The following TXNDC15 variants were observed in gnomAD, a reference collection of about 807,000 sequenced individuals.
TXNDC15 encodes the protein thioredoxin domain containing 15.
TXNDC15 carries 24 observed loss-of-function variants against 35.0 expected under a neutral mutation model. The ratio of observed to expected loss-of-function variants is 0.68; its 90% confidence interval spans 0.50 to 0.96. The LOEUF (loss-of-function observed/expected upper bound fraction) is 0.96. Among genes scored for constraint, TXNDC15 ranks in the 40% least tolerant of loss-of-function variants. The pLI is 0.00. For synonymous variants in TXNDC15, 169 were observed against 174.0 expected, an observed-to-expected ratio of 0.97 and a Z score of 0.23; for missense variants, 385 against 453.3, an observed-to-expected ratio of 0.85 and a Z score of 1.37.
intron 1 of TXNDC15, among the ~76,000 whole-genome samples, chr5:134,882,025 C>T (rs1454068687): frequency 1.8e-4 from 27 of 150,040 alleles, no homozygotes; most frequent in Non-Finnish European, 3.7e-4. Flanking sequence ...GGCTGCCGGG[C>T]GGAGGGGCTC....
chr5:134,884,303 C>T (rs1300527329), intron 1 of TXNDC15, among the ~76,000 whole-genome samples: 1 of 150,072 alleles, frequency 6.7e-6, no homozygotes, highest in Non-Finnish European at 1.5e-5. Flanking sequence ...GGCTGGAGTG[C>T]AATGGCACTA....
At chr5:134,880,567 G>A (rs1007387268) in intron 1 of TXNDC15, among the ~76,000 whole-genome samples, 2 of 151,872 alleles carry the variant, frequency 1.3e-5, no homozygotes, top group African/African-American at 4.8e-5. Flanking sequence ...CTCCCGAGCA[G>A]CTGGGATTAC....
chr5:134,880,694 C>T (rs540861958), intron 1 of TXNDC15, among the ~76,000 whole-genome samples: 10 of 152,112 alleles, frequency 6.6e-5, no homozygotes, highest in East Asian at 1.9e-4. Flanking sequence ...CCACCTGCCT[C>T]GGTCTCCCTA....
At chr5:134,891,967 G>A (rs772700539) in intron 2 of TXNDC15, among the ~76,000 whole-genome samples, 2 of 151,944 alleles carry the variant, frequency 1.3e-5, no homozygotes, top group Admixed American at 6.6e-5. Flanking sequence ...AAATAAGACC[G>A]CAGCTACACT....
At chr5:134,874,564 T>A in intron 1 of TXNDC15, 34 bp downstream of exon 1, 3 of 1,538,720 alleles carry the variant, frequency 1.9e-6, no homozygotes, top group African/African-American at 1.4e-5. Context: ...CATGAGATGA[T>A]GGGGCGAGCT....
intron 2 of TXNDC15, among the ~76,000 whole-genome samples, chr5:134,889,498 A>G (rs980757457): frequency 2.3e-4 from 35 of 152,260 alleles, no homozygotes; most frequent in Non-Finnish European, 7.3e-5. Flanking sequence ...TGTTGGGATT[A>G]CAGATGTAAG....
rs10670765 is a variant in TXNDC15, at chr5:134,900,219, C to CTACTT, written c.*536_*537insCTTTA. 10,279 of 152,268 alleles carry CTACTT rather than the reference C, an allele frequency of 0.068. 760 individuals are homozygous for CTACTT. Among genetic ancestry groups the CTACTT allele is most frequent in the African/African-American group, 0.19 (7,912 of 41,470 alleles). 9.4% of individuals were successfully genotyped at this position (152,268 alleles called of 1,614,324 possible). On this transcript the variant is annotated 3_prime_UTR_variant, in exon 5 of 5. Transcript: ENST00000358387. ...TCAAATACCTTGATGTTTGTGATCT[C>CTACTT]TAACTCAAAAAATTTGAAGTGTTTT...
chr5:134,877,205 CAGAG>C (rs1321999533), intron 1 of TXNDC15, among the ~76,000 whole-genome samples: 1 of 152,038 alleles, frequency 6.6e-6, no homozygotes, highest in East Asian at 1.9e-4. Flanking sequence ...AGCTTCCCAG[CAGAG>C]AAACAGCCCT....
intron 1 of TXNDC15, among the ~76,000 whole-genome samples, chr5:134,883,325 T>C (rs1213643952): frequency 6.6e-6 from 1 of 152,094 alleles, no homozygotes; most frequent in African/African-American, 2.4e-5. Flanking sequence ...TTCAGGAGGC[T>C]GAGGCAGGAG....
Position 134,899,626 on chromosome 5 carries a change from A to G in TXNDC15, c.1024A>G (p.Ile342Val), listed in dbSNP as rs191771928. 8 of 1,613,796 alleles carry G rather than the reference A, an allele frequency of 5.0e-6. No individual in the cohort carries two copies. The East Asian group carries it at 1.8e-4, about 36-fold the overall frequency. The change falls in exon 5 of 5, where the codon ATT (isoleucine) becomes GTT (valine). Residue 342 changes from isoleucine to valine, a missense_variant. Ile to Val is a conservative substitution (Grantham distance 29, BLOSUM62 3). Coordinates refer to ENST00000358387, the MANE Select transcript of TXNDC15 (RefSeq NM_024715.4). ...AATTAGTTTTATTATGTATGCTACC[A>G]TTCGAACTGAGAGTATTCGGTGGCT... ...FLISFIMYATIRTESIRWLIP... is the reference protein window; with the variant it reads ...FLISFIMYATVRTESIRWLIP...
chr5:134,874,241 T>G, upstream of TXNDC15: 2 of 564,984 alleles, frequency 3.5e-6, no homozygotes, highest in Non-Finnish European at 6.2e-6. Context: ...AGGTCTCCAG[T>G]CCAGCGCCGA....
chr5:134,879,588 C>G (rs1017542241), intron 1 of TXNDC15, among the ~76,000 whole-genome samples: 3 of 152,096 alleles, frequency 2.0e-5, no homozygotes, highest in Non-Finnish European at 4.4e-5. Flanking sequence ...TAACCAAAGG[C>G]TATAGAAATA....
chr5:134,889,380 C>T (rs549643616), intron 2 of TXNDC15, among the ~76,000 whole-genome samples: 81 of 152,246 alleles, frequency 5.3e-4, no homozygotes, highest in African/African-American at 1.5e-3. Flanking sequence ...CATGCCACCA[C>T]GCCTGGCTAA....
rs1750313672 is a variant in TXNDC15, at chr5:134,888,042, C to G, written c.451C>G (p.Pro151Ala). The change falls in exon 2 of 5, where the codon CCA (proline) becomes GCA (alanine). Residue 151 changes from proline to alanine, a missense_variant. Coordinates refer to ENST00000358387, the MANE Select transcript of TXNDC15 (RefSeq NM_024715.4). ...CAGAGAAGAGGAGTATTACACAGAG[C>G]CAGAAGTGGCGGAATCTGACGCAGC... ...PDREEEYYTE[P>A]EVAESDAAPT... 6.2e-7 allele frequency: 1 copy of G among 1,614,016 alleles called. No homozygotes were observed. Among genetic ancestry groups the G allele is most frequent in the African/African-American group, 1.3e-5 (1 of 74,900 alleles).
intron 3 of TXNDC15, among the ~76,000 whole-genome samples, 184 bp downstream of exon 3, chr5:134,893,839 T>C (rs1194074478): frequency 2.0e-5 from 3 of 152,130 alleles, no homozygotes; most frequent in Admixed American, 1.3e-4. Context: ...GGTGTCACTT[T>C]ATGGAGGCCC....
intron 1 of TXNDC15, among the ~76,000 whole-genome samples, chr5:134,876,527 C>T (rs765995124): frequency 6.6e-5 from 10 of 152,108 alleles, no homozygotes; most frequent in Non-Finnish European, 1.3e-4. Context: ...CTTTTCATTT[C>T]TCTGCACCCA....
chr5:134,883,306 TC>T (rs1313635764), intron 1 of TXNDC15, among the ~76,000 whole-genome samples: 6 of 151,906 alleles, frequency 3.9e-5, no homozygotes, highest in African/African-American at 1.2e-4. Context: ...ATGCCTGTAA[TC>T]CCAGCTATTC....
At chr5:134,893,404 G>A in intron 2 of TXNDC15, 88 bp from the exon 3 acceptor site, 1 of 1,523,456 alleles carries the variant, frequency 6.6e-7, no homozygotes, top group Non-Finnish European at 9.0e-7. Flanking sequence ...TCCTCTCCCT[G>A]GAGCAGCAGT....
intron 1 of TXNDC15, among the ~76,000 whole-genome samples, chr5:134,877,609 T>A (rs1229985145): frequency 1.3e-5 from 2 of 150,340 alleles, no homozygotes; most frequent in Admixed American, 1.3e-4. Context: ...CAGGTGAAAT[T>A]TTTTTTTTTC....
Sources: allele counts gnomAD v4.1 joint callset (sites outside exome capture counted in the v4.1 genomes callset), GRCh38; gene constraint gnomAD v4.1.1; transcripts MANE v1.5; gene names NCBI Gene and HGNC (gene_info 2026-07-23, HGNC 2026-07-21).